The following DENND4C variants were observed in gnomAD, a reference collection of about 807,000 sequenced individuals.
DENND4C encodes the protein DENN domain containing 4C.
DENND4C carries 108 observed loss-of-function variants against 203.0 expected under a neutral mutation model. That is an observed-to-expected ratio of 0.53 (90% CI 0.46 to 0.62). DENND4C has a LOEUF of 0.62. DENND4C is among the 20% of genes least tolerant of loss of function. DENND4C has a pLI of 0.00. For synonymous variants in DENND4C, 871 were observed against 792.4 expected (o/e 1.10, Z -1.67); for missense variants, 2,481 against 2,301.2 (o/e 1.08, Z -1.60).
At chr9:19,252,400 C>G (rs1473618701) in intron 1 of DENND4C, among the ~76,000 whole-genome samples, 1 of 151,886 alleles carries the variant, frequency 6.6e-6, no homozygotes, top group Admixed American at 6.6e-5. Flanking sequence ...GGAACACAGC[C>G]AAACCGTATC....
At chr9:19,367,292 A>G (rs1357247892) in intron 30 of DENND4C, among the ~76,000 whole-genome samples, 1 of 152,252 alleles carries the variant, frequency 6.6e-6, no homozygotes, top group Non-Finnish European at 1.5e-5. Flanking sequence ...AGCTCCTCAA[A>G]ATGGCAAACC....
intron 32 of DENND4C, 92 bp from the exon 33 acceptor site, chr9:19,371,945 A>G: frequency 7.2e-7 from 1 of 1,380,392 alleles, no homozygotes; most frequent in Non-Finnish European, 1.0e-6. Context: ...ATATAGTTCA[A>G]ATACATATAA....
chr9:19,355,685 T>C (rs1825237722), intron 26 of DENND4C, among the ~76,000 whole-genome samples: 1 of 152,204 alleles, frequency 6.6e-6, no homozygotes, highest in South Asian at 2.1e-4. Flanking sequence ...CTCTGGTTAG[T>C]AGGGTGAGTT....
At chr9:19,282,456 G>T (rs1391964806) in intron 2 of DENND4C, among the ~76,000 whole-genome samples, 1 of 150,336 alleles carries the variant, frequency 6.7e-6, no homozygotes, top group Non-Finnish European at 1.5e-5. Flanking sequence ...GTTTCGCCTT[G>T]TTGCCCAGGC....
At chr9:19,273,515 A>G (rs1564107869) in intron 1 of DENND4C, among the ~76,000 whole-genome samples, 1 of 152,082 alleles carries the variant, frequency 6.6e-6, no homozygotes, top group Admixed American at 6.5e-5. Flanking sequence ...AGACTGGGAG[A>G]AAATATTTGC....
chr9:19,324,093 C>G (rs995838756), intron 12 of DENND4C, among the ~76,000 whole-genome samples: 2 of 151,948 alleles, frequency 1.3e-5, no homozygotes, highest in Admixed American at 6.6e-5. Flanking sequence ...AATGAATTTC[C>G]TGTTTACTTG....
chr9:19,307,714 G>T (rs1444945838), intron 10 of DENND4C, among the ~76,000 whole-genome samples: 2 of 148,800 alleles, frequency 1.3e-5, no homozygotes, highest in Non-Finnish European at 3.0e-5. Flanking sequence ...AGGTTGCAGT[G>T]AGCGGAGATC....
chr9:19,286,507 C>G (rs1254257372), intron 2 of DENND4C, among the ~76,000 whole-genome samples: 4 of 152,020 alleles, frequency 2.6e-5, no homozygotes, highest in African/African-American at 4.8e-5. Flanking sequence ...AATACAAAAT[C>G]AAGTTGTTCA....
intron 20 of DENND4C, among the ~76,000 whole-genome samples, chr9:19,338,506 G>A (rs1028618503): frequency 1.3e-5 from 2 of 152,142 alleles, no homozygotes; most frequent in East Asian, 1.9e-4. Flanking sequence ...TCAAATGACC[G>A]AATGCCACAT....
At chr9:19,302,743 A>T (rs1838842349) in intron 9 of DENND4C, among the ~76,000 whole-genome samples, 2 of 151,748 alleles carry the variant, frequency 1.3e-5, no homozygotes, top group African/African-American at 4.8e-5. Flanking sequence ...CCTCTTGCTC[A>T]CTCTTCTCCA....
intron 30 of DENND4C, among the ~76,000 whole-genome samples, chr9:19,366,400 G>C (rs1320670721): frequency 1.3e-5 from 2 of 152,180 alleles, no homozygotes; most frequent in African/African-American, 2.4e-5. Flanking sequence ...AGGAGATCGA[G>C]ACCATCCTGG....
intron 23 of DENND4C, among the ~76,000 whole-genome samples, chr9:19,348,517 G>A (rs890233487): frequency 6.6e-6 from 1 of 152,118 alleles, no homozygotes; most frequent in African/African-American, 2.4e-5. Flanking sequence ...TGGCTTGGAA[G>A]CTTAAAGCAT....
intron 15 of DENND4C, 31 bp from the exon 16 acceptor site, chr9:19,327,999 A>G (rs1818180212): frequency 1.3e-6 from 2 of 1,572,420 alleles, no homozygotes; most frequent in Non-Finnish European, 1.7e-6. Flanking sequence ...TGTGTTTTAA[A>G]TCAGCAGTTC....
At chr9:19,248,163 A>G (rs552777601) in intron 1 of DENND4C, among the ~76,000 whole-genome samples, 1 of 152,236 alleles carries the variant, frequency 6.6e-6, no homozygotes, top group South Asian at 2.1e-4. Flanking sequence ...AAATCCAAAG[A>G]CCTAGTCTTA....
chr9:19,271,201 CTTTT>C (rs34513200), intron 1 of DENND4C, among the ~76,000 whole-genome samples: 1 of 129,074 alleles, frequency 7.7e-6, no homozygotes, highest in African/African-American at 2.9e-5. Context: ...AATATGGATT[CTTTT>C]TTTTTTTTTT....
intron 26 of DENND4C, among the ~76,000 whole-genome samples, chr9:19,353,270 A>G (rs1048682762): frequency 6.6e-6 from 1 of 152,152 alleles, no homozygotes; most frequent in Non-Finnish European, 1.5e-5. Flanking sequence ...AGGGAATTAT[A>G]CTTAATATTC....
intron 1 of DENND4C, among the ~76,000 whole-genome samples, chr9:19,273,146 G>C (rs1832118378): frequency 6.6e-6 from 1 of 151,716 alleles, no homozygotes; most frequent in Admixed American, 6.6e-5. Flanking sequence ...TAGAGACAGA[G>C]TTTCACTAGG....
chr9:19,341,440 G>C (rs1821637705), intron 21 of DENND4C, among the ~76,000 whole-genome samples: 1 of 151,294 alleles, frequency 6.6e-6, no homozygotes, highest in Non-Finnish European at 1.5e-5. Context: ...TCCCCTGTCA[G>C]CTGGGACCAC....
Position 19,296,348 on chromosome 9 carries a change from C to G in DENND4C, c.1040+102C>G, listed in dbSNP as rs187716641. ...GCAGCAAAGTTGGAAGGGAAGGAAG[C>G]CTGCATTTAACTGAACTTTTTTTTT... is the stretch of plus-strand genomic sequence containing the variant. On this transcript the variant is annotated intron_variant, in intron 6 of 32. Transcript: ENST00000434457. 2,235 of 820,764 alleles carry G rather than the reference C, an allele frequency of 2.7e-3. 19 individuals carry two copies. Among genetic ancestry groups the G allele is most frequent in the Non-Finnish European group, 1.9e-3 (1,006 of 520,832 alleles). 50.8% of individuals were successfully genotyped at this position (820,764 alleles called of 1,614,324 possible).
Sources: gnomAD v4.1 joint callset for allele counts (sites outside exome capture counted in the v4.1 genomes callset) on GRCh38, gnomAD v4.1.1 for gene constraint, MANE v1.5 for transcripts, NCBI Gene and HGNC (gene_info 2026-07-23, HGNC 2026-07-21) for gene names.